The following SCARF2 variants were observed in gnomAD, a reference collection of about 807,000 sequenced individuals.
SCARF2 encodes scavenger receptor expressed by endothelial cells 2 protein.
A neutral mutation model predicts 73.4 loss-of-function variants in SCARF2; 39 were observed. That is an observed-to-expected ratio of 0.53 (90% CI 0.41 to 0.69). SCARF2 has a LOEUF of 0.69. SCARF2 is among the 30% of genes least tolerant of loss of function. The pLI is 0.00. For synonymous variants in SCARF2, 605 were observed against 590.0 expected (o/e 1.03, Z -0.37); for missense variants, 1,148 against 1,303.5 (o/e 0.88, Z 1.84).
rs564945234 is a variant in SCARF2 at position 20,429,037 on chromosome 22, CT to C, written c.1540+187del. ...GCACCTAGGACTCCTGCCTTCCTAC[CT>C]TGCCTCGCCCTCAGCAGCTGCCACA... On this transcript the variant is annotated intron_variant, in intron 9 of 10. Transcript: ENST00000622235. The surrounding 1 kb of genome is among the most constrained non-coding windows in gnomAD (Gnocchi z 5.2). 1.3e-4 allele frequency among the ~76,000 whole-genome samples: 20 copies of C among 152,276 alleles called. No homozygotes were observed. In the East Asian group the frequency reaches 3.9e-3, roughly 29 times the overall value.
chr22:20,429,474 C>T lies in SCARF2; in HGVS notation c.1424+62G>A, dbSNP rs930613547. The T allele has an allele frequency of 2.1e-5, 33 of 1,596,900 alleles. No homozygotes were observed. The highest frequency in any genetic ancestry group is 2.7e-5 in the African/African-American group (2 of 74,520). ...GGGCGCGGAAGGGTTGGATCTGGGT[C>T]CGGTGGCACCCAGAGGGTGCGGCCT... On this transcript the variant is annotated intron_variant, in intron 8 of 10. Coordinates refer to ENST00000622235, the MANE Select transcript of SCARF2 (RefSeq NM_182895.5). The surrounding 1 kb of genome is among the most constrained non-coding windows in gnomAD (Gnocchi z 5.2).
intron 9 of SCARF2, 102 bp from the exon 10 acceptor site, chr22:20,427,652 G>A: frequency 1.4e-6 from 2 of 1,412,164 alleles, no homozygotes; most frequent in East Asian, 4.7e-5. Context: ...ACCAAGACCA[G>A]CCCTATTCTT....
At position 20,430,911 on chromosome 22, in the gene SCARF2, GGGGGA is replaced by G. The variant is rs1320238379; in HGVS notation, c.855-8_855-4del. Reference sequence around the variant, plus strand: ...GCTGGCCCTTGCACTGGCCACACCTGGGGGAGGGGTCGGAGGCTAGGGAAGGCTGG... The same window carrying G: ...GCTGGCCCTTGCACTGGCCACACCTGGGGGTCGGAGGCTAGGGAAGGCTGG... On this transcript the variant is annotated splice_polypyrimidine_tract_variant and splice_region_variant and intron_variant, in intron 4 of 10. Coordinates refer to ENST00000622235, the MANE Select transcript of SCARF2 (RefSeq NM_182895.5). 1 of 1,589,896 alleles carries G rather than the reference GGGGGA, an allele frequency of 6.3e-7. No individual in the cohort carries two copies. The highest frequency in any genetic ancestry group is 1.3e-5 in the African/African-American group (1 of 74,714).
rs1273873409 is a variant in SCARF2 at position 20,431,862 on chromosome 22, G to T, written c.233-16C>A. ...TCGCACACCGCTGTGGACGAGACAG[G>T]CCAGAGCTGCTGCGCGTCCTAGCCC... On this transcript the variant is annotated splice_polypyrimidine_tract_variant and intron_variant, in intron 2 of 10. Transcript: ENST00000622235. The T allele has an allele frequency of 6.3e-7, 1 of 1,596,494 alleles. No homozygotes were observed. Among genetic ancestry groups the T allele is most frequent in the South Asian group, 1.1e-5 (1 of 88,240 alleles).
At chr22:20,435,238 A>G (rs1328192619) in intron 1 of SCARF2, among the ~76,000 whole-genome samples, 4 of 152,170 alleles carry the variant, frequency 2.6e-5, no homozygotes, top group Admixed American at 2.6e-4. Context: ...TTTCTTGTCT[A>G]CACCAGATCC....
intron 1 of SCARF2, among the ~76,000 whole-genome samples, chr22:20,434,150 G>A (rs914820272): frequency 5.9e-5 from 9 of 152,010 alleles, no homozygotes; most frequent in Admixed American, 1.3e-4. Flanking sequence ...TTTTTTTGCC[G>A]GGCGTGCTGG....
At position 20,425,280 on chromosome 22, in the gene SCARF2, A is replaced by C; in HGVS notation, c.*95T>G. ...CCGCTAGCCGCGCGGTGCCCGGCCA[A>C]TAGGAGGCCGCCCGTGCCCGGTAGC... On this transcript the variant is annotated 3_prime_UTR_variant, in exon 11 of 11. Transcript: ENST00000622235. This position sits in a 1 kb window ranked among gnomAD's most constrained non-coding sequence, Gnocchi z 4.6. 1 of 1,118,644 alleles carries C rather than the reference A, an allele frequency of 8.9e-7. No homozygotes were observed. The highest frequency in any genetic ancestry group is 2.5e-5 in the South Asian group (1 of 40,170). The allele number at this position is 1,118,644 out of a possible 1,614,324, so 69.3% of individuals were successfully genotyped here.
In SCARF2 at chr22:20,437,660, A is replaced by G; in HGVS notation, c.95T>C (p.Leu32Pro). 1 of 1,522,834 alleles carries G rather than the reference A, an allele frequency of 6.6e-7. No homozygotes were observed. The highest frequency in any genetic ancestry group is 8.8e-7 in the Non-Finnish European group (1 of 1,142,270). The allele number at this position is 1,522,834 out of a possible 1,614,324, so 94.3% of individuals were successfully genotyped here. A position where few individuals can be genotyped will look rare whatever the true frequency, so the allele number is the denominator to read the frequency against. The change falls in exon 1 of 11, where the codon CTG (leucine) becomes CCG (proline). Residue 32 changes from leucine to proline, a missense_variant. By Grantham distance (98) the Leu-to-Pro change is moderately conservative. Around this residue, in one of 5 missense-constraint regions of SCARF2, gnomAD observed 124 missense variants for 120.4 expected, o/e 1.03. Coordinates refer to ENST00000622235, the MANE Select transcript of SCARF2 (RefSeq NM_182895.5). ...SPLLPSLLLL[L>P]LLWMLPDTVA... ...GGTGTCCGGCAGCATCCAGAGCAGC[A>G]GCAGCAGCAGCAGCGACGGCAGCAG...
chr22:20,437,676 A>T lies in SCARF2; in HGVS notation c.79T>A (p.Ser27Thr). ...AGGPPSPLLP[S>T]LLLLLLLWML... is the part of the protein sequence containing the mutation. ...CAGAGCAGCAGCAGCAGCAGCAGCG[A>T]CGGCAGCAGCGGTGACGGCGGCCCC... The change falls in exon 1 of 11, where the codon TCG (serine) becomes ACG (threonine). Residue 27 changes from serine (S) to threonine (T), a missense_variant. Coordinates refer to ENST00000622235, the MANE Select transcript of SCARF2 (RefSeq NM_182895.5). 1 of 1,503,028 alleles carries T rather than the reference A, an allele frequency of 6.7e-7. No individual in the cohort carries two copies. Among genetic ancestry groups the T allele is most frequent in the African/African-American group, 1.4e-5 (1 of 69,178 alleles). The allele number at this position is 1,503,028 out of a possible 1,614,324, so 93.1% of individuals were successfully genotyped here.
At chr22:20,434,802 G>A (rs2052682260) in intron 1 of SCARF2, among the ~76,000 whole-genome samples, 1 of 152,150 alleles carries the variant, frequency 6.6e-6, no homozygotes. Context: ...CTTCAAGTTG[G>A]CTCATGGGGT....
intron 4 of SCARF2, 37 bp from the exon 5 acceptor site, chr22:20,430,945 C>G: frequency 6.4e-7 from 1 of 1,562,736 alleles, no homozygotes; most frequent in Middle Eastern, 1.7e-4. Context: ...AGGCTGGGAC[C>G]CGCCTCACCC....
chr22:20,425,733 G>GGGCCGC lies in SCARF2; in HGVS notation c.2237_2242dup (p.Arg746_Gly747dup). 2 of 1,231,592 alleles carry GGGCCGC rather than the reference G, an allele frequency of 1.6e-6. No homozygotes were observed. Among genetic ancestry groups the GGGCCGC allele is most frequent in the Non-Finnish European group, 2.0e-6 (2 of 990,848 alleles). 76.3% of individuals were successfully genotyped at this position (1,231,592 alleles called of 1,614,324 possible). A position where few individuals can be genotyped will look rare whatever the true frequency, so the allele number is the denominator to read the frequency against. ...GGCGTCCGTGGGCTCCAAGAGGCCG[G>GGGCCGC]GGCCGCGGCCCCGCGCTCGGGCCCT... is the stretch of plus-strand genomic sequence containing the variant. On this transcript the variant is annotated inframe_insertion, in exon 11 of 11. Transcript: ENST00000622235. This position sits in a 1 kb window ranked among gnomAD's most constrained non-coding sequence, Gnocchi z 4.6.
Position 20,429,300 on chromosome 22 carries a change from A to G in SCARF2, c.1465T>C (p.Cys489Arg), listed in dbSNP as rs1199227479. 8.2e-6 allele frequency: 13 copies of G among 1,581,988 alleles called. No homozygotes were observed. Among genetic ancestry groups the G allele is most frequent in the East Asian group, 2.4e-5 (1 of 42,518 alleles). ...LGRKKAPHRL[C>R]GRFSRISMKL... ...ATGCTGATGCGACTGAAGCGCCCGC[A>G]TAGTCGGTGCGGCGCCTTCTTCCTC... is the stretch of plus-strand genomic sequence containing the variant. Residue 489 changes from cysteine (C) to arginine (R), a missense_variant, in exon 9 of 11, where the codon TGC becomes CGC. Physicochemically the swap from Cys to Arg is radical, Grantham distance 180. This residue lies in a region of SCARF2 where 437 missense variants were observed against 433.6 expected (regional missense o/e 1.01). Transcript: ENST00000622235. The surrounding 1 kb of genome is among the most constrained non-coding windows in gnomAD (Gnocchi z 5.2).
chr22:20,430,992 C>T (rs368723424), intron 4 of SCARF2, 26 bp downstream of exon 4: 2 of 1,567,962 alleles, frequency 1.3e-6, no homozygotes, highest in Non-Finnish European at 1.7e-6. Flanking sequence ...CACCTCCTCC[C>T]TCCCTGGCCG....
intron 9 of SCARF2, among the ~76,000 whole-genome samples, chr22:20,428,420 T>G (rs1395321431): frequency 1.3e-5 from 2 of 152,104 alleles, no homozygotes; most frequent in Non-Finnish European, 2.9e-5. Context: ...TTCTCTTGCC[T>G]CAGCCTCCAG....
intron 1 of SCARF2, among the ~76,000 whole-genome samples, chr22:20,437,363 C>T (rs1200262188): frequency 1.3e-5 from 2 of 152,238 alleles, no homozygotes; most frequent in Non-Finnish European, 2.9e-5. Context: ...GGCACTCCAT[C>T]CTCCCCTCAG....
At chr22:20,431,586 T>C (rs1414565465) in intron 3 of SCARF2, 49 bp from the exon 4 acceptor site, 1 of 1,546,070 alleles carries the variant, frequency 6.5e-7, no homozygotes, top group Non-Finnish European at 8.7e-7. Context: ...CTTGAGTAGG[T>C]GCCCCCAGCC....
chr22:20,431,238 T>C lies in SCARF2; in HGVS notation c.634A>G (p.Asn212Asp). ...CHAGWWGRSCNNQCACNSSPC... is the reference protein window; with the variant it reads ...CHAGWWGRSCDNQCACNSSPC... ...GACGAGTTGCAGGCGCACTGGTTGT[T>C]GCAGCTGCGGCCCCACCAGCCTGCG... The change falls in exon 4 of 11, where the codon AAC becomes GAC. Residue 212 changes from asparagine to aspartate, a missense_variant. Transcript: ENST00000622235. The C allele has an allele frequency of 6.4e-7, 1 of 1,555,318 alleles. No individual in the cohort carries two copies. The highest frequency in any genetic ancestry group is 8.6e-7 in the Non-Finnish European group (1 of 1,158,960).
At position 20,430,875 on chromosome 22, in the gene SCARF2, C is replaced by G. The variant is rs551075345; in HGVS notation, c.888G>C (p.Thr296=). 8 of 1,603,974 alleles carry G rather than the reference C, an allele frequency of 5.0e-6. No homozygotes were observed. The East Asian group carries it at 6.7e-5, about 13-fold the overall frequency. ...CGQCKGQQPC[T]VAEGRCLTCE... ...ACGTCAAGCAGCGGCCCTCGGCCAC[C>G]GTGCACGGCTGCTGGCCCTTGCACT... The change falls in exon 5 of 11, where the codon ACG becomes ACC. Residue 296 remains threonine, a synonymous_variant. Transcript: ENST00000622235.
Sources: allele counts gnomAD v4.1 joint callset (sites outside exome capture counted in the v4.1 genomes callset), GRCh38; gene constraint gnomAD v4.1.1; regional missense constraint gnomAD v4.1.1; non-coding constraint Gnocchi (gnomAD v3.1); transcripts MANE v1.5; gene names NCBI Gene and HGNC (gene_info 2026-07-23, HGNC 2026-07-21).